Variants in CHCHD6 observed in about 807,000 individuals in gnomAD.
The protein encoded by CHCHD6 is MICOS complex subunit MIC25.
In CHCHD6, 28 loss-of-function variants were observed where a neutral mutation model predicts 32.3. The observed-to-expected ratio is 0.87, with a 90% CI of 0.64 to 1.19. CHCHD6 has a LOEUF of 1.19. Ranked by LOEUF, CHCHD6 falls within the 50% of genes most tolerant of loss-of-function variation. The pLI, the probability that CHCHD6 is intolerant of heterozygous loss-of-function variation, is 0.00. For synonymous variants in CHCHD6, 122 were observed against 117.5 expected, an observed-to-expected ratio of 1.04 and a Z score of -0.25; for missense variants, 333 against 307.0, an observed-to-expected ratio of 1.08 and a Z score of -0.63.
At position 126,773,907 on chromosome 3, in the gene CHCHD6, C is replaced by T. The variant is rs937181343; in HGVS notation, c.411+40685C>T. 2.0e-5 allele frequency among the ~76,000 whole-genome samples: 3 copies of T among 152,044 alleles called. 1 individual carries two copies. The highest frequency in any genetic ancestry group is 6.6e-5 in the Admixed American group (1 of 15,246). ...AGGTGTGAGCCACTGTGCCCAGCCTCTGCATATTTTTCTATGTTTCTGTGG... is the reference window on the plus strand; with the variant it reads ...AGGTGTGAGCCACTGTGCCCAGCCTTTGCATATTTTTCTATGTTTCTGTGG... On this transcript the variant is annotated intron_variant, in intron 4 of 7. Transcript: ENST00000290913.
At chr3:126,842,631 A>G (rs1217681444) in intron 4 of CHCHD6, among the ~76,000 whole-genome samples, 1 of 152,204 alleles carries the variant, frequency 6.6e-6, no homozygotes, top group Non-Finnish European at 1.5e-5. Context: ...TCAATTTTGC[A>G]TTTAAGTACA....
At chr3:126,864,375 AC>A (rs1942150061) in intron 5 of CHCHD6, among the ~76,000 whole-genome samples, 1 of 124,334 alleles carries the variant, frequency 8.0e-6, no homozygotes, top group Non-Finnish European at 1.7e-5. Context: ...CACCACCTCC[AC>A]CATCACTACT....
chr3:126,955,750 A>G (rs1349531212), intron 6 of CHCHD6, among the ~76,000 whole-genome samples: 2 of 152,198 alleles, frequency 1.3e-5, no homozygotes, highest in South Asian at 2.1e-4. Context: ...AGGCATGGGT[A>G]TGTGACCTGG....
chr3:126,857,625 C>G (rs1941707186), intron 5 of CHCHD6, among the ~76,000 whole-genome samples: 2 of 152,270 alleles, frequency 1.3e-5, no homozygotes. Context: ...ACACAAGCTA[C>G]ACAAGGTGTT....
intron 1 of CHCHD6, among the ~76,000 whole-genome samples, chr3:126,706,509 C>T (rs975259891): frequency 1.3e-5 from 2 of 152,226 alleles, no homozygotes; most frequent in Middle Eastern, 3.4e-3. Context: ...GATGATAGTG[C>T]CCCACTTAGT....
In CHCHD6 at chr3:126,733,103, C is replaced by T; in HGVS notation, c.292C>T (p.Gln98Ter). ...GTATGAACAGGAGCATGCTGCTATC[C>T]AGGATAAGCTCTTCCAGGTGGCAAA... ...KRYEQEHAAI[Q>*]DKLFQVAKRE... Residue 98 changes from glutamine (Q) to a stop codon, truncating the protein, a stop_gained, in exon 4 of 8, where the codon CAG becomes TAG. Transcript: ENST00000290913. LOFTEE classifies it high-confidence loss of function. 5 of 1,614,222 alleles carry T rather than the reference C, an allele frequency of 3.1e-6. No homozygotes were observed. The highest frequency in any genetic ancestry group is 2.5e-6 in the Non-Finnish European group (3 of 1,180,038).
chr3:126,789,235 C>T (rs1176514487), intron 4 of CHCHD6, among the ~76,000 whole-genome samples: 1 of 152,186 alleles, frequency 6.6e-6, no homozygotes, highest in Non-Finnish European at 1.5e-5. Context: ...GAGTGCTTTA[C>T]TTCCAACTAT....
intron 1 of CHCHD6, among the ~76,000 whole-genome samples, chr3:126,720,088 A>C (rs1935209290): frequency 1.3e-5 from 2 of 151,890 alleles, no homozygotes; most frequent in African/African-American, 4.8e-5. Context: ...CACCATGTTG[A>C]CCAGGCTGGT....
chr3:126,801,243 C>A (rs913120024), intron 4 of CHCHD6, among the ~76,000 whole-genome samples: 3 of 152,230 alleles, frequency 2.0e-5, no homozygotes, highest in African/African-American at 7.2e-5. Flanking sequence ...CGTGCGCAAG[C>A]CGAAGCAGGG....
chr3:126,957,719 T>G, intron 7 of CHCHD6, 168 bp downstream of exon 7: 1 of 804,574 alleles, frequency 1.2e-6, no homozygotes, highest in Non-Finnish European at 2.0e-6. Context: ...CTCAGTCACC[T>G]GCACACTCTC....
At chr3:126,811,843 C>T (rs554737179) in intron 4 of CHCHD6, among the ~76,000 whole-genome samples, 1 of 152,302 alleles carries the variant, frequency 6.6e-6, no homozygotes, top group South Asian at 2.1e-4. Context: ...AGTGTCCTGC[C>T]AAGTAAGACA....
intron 1 of CHCHD6, among the ~76,000 whole-genome samples, chr3:126,709,121 A>G (rs982330519): frequency 6.6e-6 from 1 of 152,236 alleles, no homozygotes; most frequent in Admixed American, 6.5e-5. Context: ...GTATTTTTAA[A>G]GATTTGTATA....
At chr3:126,898,523 G>GTTAGC (rs1553754464) in intron 5 of CHCHD6, among the ~76,000 whole-genome samples, 1 of 152,066 alleles carries the variant, frequency 6.6e-6, no homozygotes, top group Non-Finnish European at 1.5e-5. Flanking sequence ...TATTTAGTTA[G>GTTAGC]TTAGTTTAGT....
chr3:126,909,583 C>A (rs141472392), intron 5 of CHCHD6, among the ~76,000 whole-genome samples: 1 of 152,308 alleles, frequency 6.6e-6, no homozygotes, highest in East Asian at 1.9e-4. Flanking sequence ...TTCTTACTCA[C>A]GTTATTTAAT....
chr3:126,939,229 T>TATTGCTTG (rs2078524739), intron 6 of CHCHD6, among the ~76,000 whole-genome samples: 1 of 152,086 alleles, frequency 6.6e-6, no homozygotes, highest in Admixed American at 6.5e-5. Context: ...AATAGGGTTT[T>TATTGCTTG]GAGTGCCAGG....
chr3:126,751,158 T>C (rs115053143), intron 4 of CHCHD6, among the ~76,000 whole-genome samples: 2,904 of 151,584 alleles, frequency 0.019, 97 homozygotes, highest in African/African-American at 0.066. Context: ...TTTTTTTTTT[T>C]CTCTGGGCCT....
At position 126,859,006 on chromosome 3, in the gene CHCHD6, A is replaced by G. The variant is rs1941762361; in HGVS notation, c.495+6276A>G. ...AGCACTTGCCACACTCTGTCTTGTTAGCGCCTGTGGCTGTCTGCTCTGCAT... is the reference window on the plus strand; with the variant it reads ...AGCACTTGCCACACTCTGTCTTGTTGGCGCCTGTGGCTGTCTGCTCTGCAT... On this transcript the variant is annotated intron_variant, in intron 5 of 7. Coordinates refer to ENST00000290913, the MANE Select transcript of CHCHD6 (RefSeq NM_032343.3). Among the ~76,000 whole-genome samples the G allele has an allele frequency of 2.0e-5, 3 of 152,234 alleles. No individual in the cohort carries two copies. In the South Asian group the frequency reaches 6.2e-4, roughly 31 times the overall value.
At chr3:126,737,719 G>A (rs1436482901) in intron 4 of CHCHD6, among the ~76,000 whole-genome samples, 1 of 152,042 alleles carries the variant, frequency 6.6e-6, no homozygotes, top group African/African-American at 2.4e-5. Context: ...TTGCCAGGTG[G>A]AGAGGAGGGA....
chr3:126,792,428 C>T (rs2107686603), intron 4 of CHCHD6, among the ~76,000 whole-genome samples: 1 of 152,130 alleles, frequency 6.6e-6, no homozygotes, highest in South Asian at 2.1e-4. Flanking sequence ...CCATGCAGCC[C>T]ACAGACTTTT....
Sources: allele counts gnomAD v4.1 joint callset (sites outside exome capture counted in the v4.1 genomes callset), GRCh38; gene constraint gnomAD v4.1.1; transcripts MANE v1.5; gene names NCBI Gene and HGNC (gene_info 2026-07-23, HGNC 2026-07-21).